Variants in SLC9C2 observed in about 807,000 individuals in gnomAD.
SLC9C2 encodes sodium/hydrogen exchanger 11.
In SLC9C2, 75 loss-of-function variants were observed where a neutral mutation model predicts 140.2. The ratio of observed to expected loss-of-function variants is 0.53; its 90% CI spans 0.44 to 0.65. The LOEUF (loss-of-function observed/expected upper bound fraction) is 0.65, where lower values mean the gene tolerates loss of function less well. SLC9C2 is among the 30% of genes least tolerant of loss of function. The pLI, the probability that SLC9C2 is intolerant of heterozygous loss-of-function variation, is 0.00. For synonymous variants in SLC9C2, 375 were observed against 420.9 expected, an observed-to-expected ratio of 0.89 and a Z score of 1.34; for missense variants, 1,074 against 1,331.8, an observed-to-expected ratio of 0.81 and a Z score of 3.01.
intron 14 of SLC9C2, 92 bp downstream of exon 14, chr1:173,536,850 A>G: frequency 1.1e-6 from 1 of 888,596 alleles, no homozygotes; most frequent in Non-Finnish European, 1.8e-6. Context: ...TAATAGATTG[A>G]TCAATCAGGA....
intron 13 of SLC9C2, 67 bp from the exon 14 acceptor site, chr1:173,537,106 T>C: frequency 8.1e-7 from 1 of 1,237,206 alleles, no homozygotes; most frequent in Non-Finnish European, 1.2e-6. Context: ...TTCTTAACCC[T>C]TACATAGCCC....
chr1:173,521,285 AT>A lies in SLC9C2; in HGVS notation c.2739+15del. The A allele has an allele frequency of 1.5e-6, 2 of 1,340,822 alleles. No homozygotes were observed. Among genetic ancestry groups the A allele is most frequent in the Non-Finnish European group, 2.0e-6 (2 of 990,664 alleles). 83.1% of individuals were successfully genotyped at this position (1,340,822 alleles called of 1,614,324 possible). A position where few individuals can be genotyped will look rare whatever the true frequency, so the allele number is the denominator to read the frequency against. On this transcript the variant is annotated intron_variant, in intron 22 of 27. Transcript: ENST00000367714. ...ATTTTAAGTAAAAAAAAAAAAAAAA[AT>A]CAATAGTCCCTTACAATTGCCATTC...
chr1:173,525,820 A>T (rs572593477), intron 19 of SLC9C2, among the ~76,000 whole-genome samples: 12 of 152,298 alleles, frequency 7.9e-5, no homozygotes, highest in African/African-American at 2.2e-4. Flanking sequence ...CCTAACCCCT[A>T]ATCTTTAAAA....
intron 25 of SLC9C2, 138 bp from the exon 26 acceptor site, chr1:173,505,469 T>C: frequency 1.6e-6 from 1 of 638,764 alleles, no homozygotes; most frequent in Non-Finnish European, 2.7e-6. Context: ...ATATTCTAAA[T>C]TTCAAATCCT....
intron 23 of SLC9C2, among the ~76,000 whole-genome samples, chr1:173,511,028 CCTTT>C (rs1413771278): frequency 9.0e-6 from 1 of 110,760 alleles, no homozygotes; most frequent in Non-Finnish European, 1.7e-5. Context: ...CCTTTCTTTT[CCTTT>C]TTTTTTTTTT....
rs192874928 is a variant in SLC9C2, at chr1:173,553,789, A to G, written c.1297+944T>C. Reference sequence around the variant, plus strand: ...TGCTTTGTCACGTGGTCTGGAATTGAACCTGCAATATCTCCAAGTTATGCC... The same window carrying G: ...TGCTTTGTCACGTGGTCTGGAATTGGACCTGCAATATCTCCAAGTTATGCC... On this transcript the variant is annotated intron_variant, in intron 11 of 27. Coordinates refer to ENST00000367714, the MANE Select transcript of SLC9C2 (RefSeq NM_178527.4). Among the ~76,000 whole-genome samples, 464 of 152,298 alleles carry G rather than the reference A, an allele frequency of 3.0e-3. 1 individual carries two copies. The highest frequency in any genetic ancestry group is 0.01 in the African/African-American group (428 of 41,558).
chr1:173,540,108 G>A (rs1242556126), intron 13 of SLC9C2, among the ~76,000 whole-genome samples: 1 of 152,158 alleles, frequency 6.6e-6, no homozygotes, highest in Non-Finnish European at 1.5e-5. Flanking sequence ...CTCTCACCCT[G>A]TTGGAACCCA....
intron 8 of SLC9C2, among the ~76,000 whole-genome samples, chr1:173,576,087 G>A (rs547200333): frequency 1.3e-5 from 2 of 152,280 alleles, no homozygotes; most frequent in South Asian, 4.1e-4. Context: ...GTTTTCATCT[G>A]ATGTGGGAAT....
intron 23 of SLC9C2, among the ~76,000 whole-genome samples, chr1:173,511,451 G>C (rs576838459): frequency 9.3e-6 from 1 of 107,840 alleles, no homozygotes; most frequent in East Asian, 2.2e-3. Flanking sequence ...TGTTGGCTAC[G>C]TAAATTGTCT....
intron 21 of SLC9C2, among the ~76,000 whole-genome samples, 182 bp downstream of exon 21, chr1:173,523,787 T>C (rs1272517286): frequency 1.3e-5 from 2 of 152,236 alleles, no homozygotes; most frequent in African/African-American, 4.8e-5. Flanking sequence ...TGAAAAACTA[T>C]CTTTGCCCTT....
intron 18 of SLC9C2, among the ~76,000 whole-genome samples, chr1:173,529,437 T>C (rs937963569): frequency 4.0e-5 from 6 of 151,740 alleles, no homozygotes; most frequent in Non-Finnish European, 7.4e-5. Flanking sequence ...ATGAAGAGGG[T>C]CTTAAATGAT....
In SLC9C2 at chr1:173,581,923, T is replaced by G; in HGVS notation, c.726A>C (p.Ile242=). Residue 242 remains isoleucine, a synonymous_variant, in exon 7 of 28, where the codon ATA becomes ATC. Coordinates refer to ENST00000367714, the MANE Select transcript of SLC9C2 (RefSeq NM_178527.4). ...GCATATTGCTAAAAACGTCAGCCAA[T>G]ATACACTGAATGATTTTTGCACACC... ...GYWCAKIIQC[I]LADVFSNMLT... 6.2e-7 allele frequency: 1 copy of G among 1,608,582 alleles called. No homozygotes were observed. The highest frequency in any genetic ancestry group is 1.7e-4 in the Middle Eastern group (1 of 6,034).
intron 13 of SLC9C2, among the ~76,000 whole-genome samples, chr1:173,540,357 A>T (rs756679506): frequency 6.6e-6 from 1 of 152,214 alleles, no homozygotes; most frequent in African/African-American, 2.4e-5. Context: ...GAAATAATAA[A>T]TCATTGCTTT....
chr1:173,533,031 G>A (rs1661697706), intron 17 of SLC9C2, among the ~76,000 whole-genome samples: 1 of 152,106 alleles, frequency 6.6e-6, no homozygotes, highest in African/African-American at 2.4e-5. Context: ...TAGAAATTGA[G>A]GGTGTGAAGG....
rs558886786 is a variant in SLC9C2, at chr1:173,564,013, T to A, written c.1047-6505A>T. On this transcript the variant is annotated intron_variant, in intron 9 of 27. Transcript: ENST00000367714. Reference sequence around the variant, plus strand: ...ACATAATGACCTCCAGTTCTTTCCATATTGTTGCAAATGACAGGATCTCAT... The same window carrying A: ...ACATAATGACCTCCAGTTCTTTCCAAATTGTTGCAAATGACAGGATCTCAT... Among the ~76,000 whole-genome samples the A allele has an allele frequency of 7.2e-5, 11 of 152,318 alleles. No individual in the cohort carries two copies. The South Asian group carries it at 2.3e-3, about 32-fold the overall frequency.
chr1:173,550,872 A>AAGAGAGAGAGAGAGAGAGAGAGAGAGAG lies in SLC9C2; in HGVS notation c.1298-2348_1298-2321dup, dbSNP rs143296396. On this transcript the variant is annotated intron_variant, in intron 11 of 27. Transcript: ENST00000367714. ...CCTGGGCAAGATAGTGAGCCGTTGA[A>AAGAGAGAGAGAGAGAGAGAGAGAGAGAG]AGAGAGAGAGAGAGAGAGAGAGAGA... 6.9e-5 allele frequency among the ~76,000 whole-genome samples: 6 copies of AAGAGAGAGAGAGAGAGAGAGAGAGAGAG among 86,508 alleles called. 2 individuals carry two copies. The highest frequency in any genetic ancestry group is 3.9e-4 in the African/African-American group (6 of 15,316). The allele number at this position is 86,508 out of a possible 152,430, so 56.8% of individuals were successfully genotyped here.
chr1:173,561,575 C>T (rs1384835426), intron 9 of SLC9C2, among the ~76,000 whole-genome samples: 1 of 152,108 alleles, frequency 6.6e-6, no homozygotes, highest in Non-Finnish European at 1.5e-5. Flanking sequence ...ATGTGGGGTC[C>T]TGCTGATGAA....
chr1:173,524,150 C>A, intron 20 of SLC9C2, 56 bp from the exon 21 acceptor site: 1 of 1,487,464 alleles, frequency 6.7e-7, no homozygotes, highest in Non-Finnish European at 9.0e-7. Context: ...AAAATGGACA[C>A]TAGGGAAAAA....
At chr1:173,526,581 G>A (rs896731095) in intron 19 of SLC9C2, 82 bp downstream of exon 19, 1 of 1,234,068 alleles carries the variant, frequency 8.1e-7, no homozygotes, top group Admixed American at 2.3e-5. Context: ...GCAAGTAAAT[G>A]AAAGCATGAA....
Sources: allele counts gnomAD v4.1 joint callset (sites outside exome capture counted in the v4.1 genomes callset), GRCh38; gene constraint gnomAD v4.1.1; transcripts MANE v1.5; gene names NCBI Gene and HGNC (gene_info 2026-07-23, HGNC 2026-07-21).